TENM2: variants seen among roughly 807,000 people sequenced by gnomAD.
TENM2 encodes teneurin-2.
Under a neutral mutation model 245.2 loss-of-function variants are expected in TENM2, and 52 were observed. The ratio of observed to expected loss-of-function variants is 0.21; its 90% CI spans 0.17 to 0.27. TENM2 has a LOEUF of 0.27. TENM2 is among the 10% of genes least tolerant of loss of function. The probability of loss-of-function intolerance (pLI) is 1.00; values close to 1 mark genes in which losing one functional copy is unlikely to be tolerated. For missense variants in TENM2, 3,046 were observed against 3,666.8 expected, an observed-to-expected ratio of 0.83 and a Z score of 4.37; for synonymous variants, 1,363 against 1,438.9, an observed-to-expected ratio of 0.95 and a Z score of 1.19.
chr5:167,391,622 C>CAAAAAAA (rs56202184), intron 2 of TENM2, among the ~76,000 whole-genome samples: 2 of 53,508 alleles, frequency 3.7e-5, no homozygotes, highest in African/African-American at 6.2e-5. Context: ...AAGACTTCAT[C>CAAAAAAA]AAAAAAAAAA....
chr5:167,159,637 C>T, the TENM2 span, among the ~76,000 whole-genome samples: 1 of 152,086 alleles, frequency 6.6e-6, no homozygotes, highest in Non-Finnish European at 1.5e-5. Context: ...TTAAAAACAT[C>T]ATTTTAAAAA....
At chr5:167,658,032 G>T (rs1754965052) in intron 2 of TENM2, among the ~76,000 whole-genome samples, 1 of 152,118 alleles carries the variant, frequency 6.6e-6, no homozygotes, top group African/African-American at 2.4e-5. Flanking sequence ...GTCTTAGTCT[G>T]TTAGTGCTGT....
exon 25 of TENM2, chr5:168,228,030 A>T (rs758602306): frequency 1.2e-6 from 2 of 1,613,920 alleles, no homozygotes; most frequent in South Asian, 2.2e-5. Flanking sequence ...GGACGCTGCA[A>T]CATCTCCCTG....
At chr5:168,133,253 G>A (rs1451332281) in intron 12 of TENM2, among the ~76,000 whole-genome samples, 2 of 152,294 alleles carry the variant, frequency 1.3e-5, no homozygotes, top group Non-Finnish European at 2.9e-5. Context: ...TCAAACTGAT[G>A]ATTATACAGC....
At chr5:167,672,723 T>C (rs1349700014) in intron 2 of TENM2, among the ~76,000 whole-genome samples, 1 of 152,076 alleles carries the variant, frequency 6.6e-6, no homozygotes, top group Non-Finnish European at 1.5e-5. Context: ...CTTTAAAAGA[T>C]GTAAGTTCAG....
intron 13 of TENM2, among the ~76,000 whole-genome samples, chr5:168,182,825 CTT>C (rs149579948): frequency 0.13 from 12,897 of 99,966 alleles, 915 homozygotes; most frequent in African/African-American, 0.33. Flanking sequence ...TCAGGGTGCT[CTT>C]TTTTTTTTTT....
the TENM2 span, among the ~76,000 whole-genome samples, chr5:167,044,385 T>C: frequency 1.3e-5 from 2 of 152,124 alleles, no homozygotes; most frequent in African/African-American, 4.8e-5. Context: ...AAGAACACAA[T>C]GTGTTCAGTT....
At chr5:167,147,829 T>C in the TENM2 span, among the ~76,000 whole-genome samples, 5 of 152,294 alleles carry the variant, frequency 3.3e-5, no homozygotes, top group South Asian at 8.3e-4. Context: ...CTGGTTTTTT[T>C]CTCAGGATAA....
At position 167,285,709 on chromosome 5, in the gene TENM2, A is replaced by G. The variant is rs905895969; in HGVS notation, c.226+646A>G. 1.1e-4 allele frequency among the ~76,000 whole-genome samples: 17 copies of G among 152,310 alleles called. 1 individual carries two copies. The highest frequency in any genetic ancestry group is 3.9e-4 in the African/African-American group (16 of 41,558). On this transcript the variant is annotated intron_variant, in intron 1 of 28. Transcript: ENST00000518659. ...CGTAGAATAAAGCAAAGCAGTGCTG[A>G]GAGGTGGTGTGACAAAGCTCACTCT...
intron 2 of TENM2, among the ~76,000 whole-genome samples, chr5:167,778,004 G>GCT (rs1763930276): frequency 6.6e-6 from 1 of 152,160 alleles, no homozygotes; most frequent in South Asian, 2.1e-4. Flanking sequence ...GCTGGTCCTG[G>GCT]CTGCTTCCTT....
chr5:167,996,033 C>T (rs1186870389), intron 5 of TENM2, among the ~76,000 whole-genome samples: 1 of 152,120 alleles, frequency 6.6e-6, no homozygotes, highest in Non-Finnish European at 1.5e-5. Context: ...GCCCCAGGAC[C>T]TTTATGGGCA....
At chr5:167,543,106 T>A (rs933641657) in intron 2 of TENM2, among the ~76,000 whole-genome samples, 1 of 152,204 alleles carries the variant, frequency 6.6e-6, no homozygotes, top group Non-Finnish European at 1.5e-5. Flanking sequence ...CCCAGGAATC[T>A]GCTCTAAGCT....
At chr5:168,128,494 C>T (rs991829868) in intron 12 of TENM2, among the ~76,000 whole-genome samples, 7 of 152,242 alleles carry the variant, frequency 4.6e-5, no homozygotes, top group African/African-American at 1.7e-4. Context: ...ATCCTACTTT[C>T]TTTTAATTCA....
chr5:168,218,722 G>C lies in TENM2; in HGVS notation c.4831G>C (p.Gly1611Arg), dbSNP rs756540126. 2 of 1,614,050 alleles carry C rather than the reference G, an allele frequency of 1.2e-6. No homozygotes were observed. Among genetic ancestry groups the C allele is most frequent in the Middle Eastern group, 1.7e-4 (1 of 6,060 alleles). The change falls in exon 23 of 29, where the codon GGG (glycine) becomes CGG (arginine). Residue 1611 changes from glycine (G) to arginine (R), a missense_variant. Coordinates refer to ENST00000518659, the Ensembl canonical transcript of TENM2. This position sits in a 1 kb window ranked among gnomAD's most constrained non-coding sequence, Gnocchi z 5.2. The stretch of plus-strand genomic sequence containing the variant: ...CCAATACACTGTGAGCCTGGTGACA[G>C]GGGAGTACTTGTACAATTTCACATA...
intron 4 of TENM2, among the ~76,000 whole-genome samples, chr5:167,991,217 G>C (rs1354066419): frequency 2.0e-5 from 3 of 152,150 alleles, no homozygotes; most frequent in African/African-American, 7.2e-5. Flanking sequence ...TCAAGAGAAA[G>C]GAAATAACTG....
At chr5:167,767,569 C>T (rs989153562) in intron 2 of TENM2, among the ~76,000 whole-genome samples, 1 of 152,066 alleles carries the variant, frequency 6.6e-6, no homozygotes. Flanking sequence ...TATACTTCAA[C>T]ACAATAAAAG....
chr5:167,745,889 G>T (rs1761524195), intron 2 of TENM2, among the ~76,000 whole-genome samples: 1 of 152,182 alleles, frequency 6.6e-6, no homozygotes, highest in South Asian at 2.1e-4. Context: ...TCCAGCAGTT[G>T]ATGGACATTT....
chr5:167,532,758 ATATGTGT>A (rs1291618015), intron 2 of TENM2, among the ~76,000 whole-genome samples: 9 of 150,256 alleles, frequency 6.0e-5, no homozygotes, highest in African/African-American at 2.2e-4. Context: ...ATATACACAC[ATATGTGT>A]ATATATACAC....
At chr5:168,157,191 G>T (rs1371213520) in intron 12 of TENM2, among the ~76,000 whole-genome samples, 1 of 152,130 alleles carries the variant, frequency 6.6e-6, no homozygotes, top group Non-Finnish European at 1.5e-5. Context: ...TTCTGAGTGG[G>T]GATTTGAAGG....
Sources: gnomAD v4.1 joint callset for allele counts (sites outside exome capture counted in the v4.1 genomes callset) on GRCh38, gnomAD v4.1.1 for gene constraint, Gnocchi (gnomAD v3.1) non-coding constraint, MANE v1.5 for transcripts, NCBI Gene and HGNC (gene_info 2026-07-23, HGNC 2026-07-21) for gene names.